The following SYCP2 variants were observed in gnomAD, a reference collection of about 807,000 sequenced individuals.
SYCP2 encodes synaptonemal complex lateral element protein.
Under a neutral mutation model 211.3 loss-of-function variants are expected in SYCP2, and 55 were observed. The observed-to-expected ratio is 0.26, with a 90% CI of 0.21 to 0.33. The LOEUF (loss-of-function observed/expected upper bound fraction) is 0.33, where lower values mean the gene tolerates loss of function less well. SYCP2 is among the 10% of genes least tolerant of loss of function. The probability of loss-of-function intolerance (pLI) is 1.00; values close to 1 mark genes in which losing one functional copy is unlikely to be tolerated. For missense variants in SYCP2, 1,731 were observed against 1,752.0 expected (o/e 0.99, Z 0.21); for synonymous variants, 570 against 555.2 (o/e 1.03, Z -0.37).
chr20:59,925,399 A>C (rs1240990784), intron 2 of SYCP2, among the ~76,000 whole-genome samples: 1 of 152,080 alleles, frequency 6.6e-6, no homozygotes, highest in African/African-American at 2.4e-5. Context: ...TGAGCATAGG[A>C]TTTAACAAAA....
intron 13 of SYCP2, 119 bp from the exon 14 acceptor site, chr20:59,911,964 G>C: frequency 4.8e-5 from 21 of 438,602 alleles, no homozygotes; most frequent in East Asian, 2.2e-4. Flanking sequence ...AGAAGAGAAA[G>C]AACAGACAAG....
chr20:59,889,991 T>C (rs2059873282), intron 24 of SYCP2, among the ~76,000 whole-genome samples: 1 of 151,514 alleles, frequency 6.6e-6, no homozygotes, highest in Admixed American at 6.6e-5. Context: ...TGGAAGACAG[T>C]GATTCCTCAA....
intron 30 of SYCP2, 104 bp from the exon 31 acceptor site, chr20:59,880,575 C>A (rs2059658837): frequency 9.4e-6 from 6 of 640,136 alleles, no homozygotes; most frequent in Non-Finnish European, 1.2e-5. Context: ...AAACAAAACC[C>A]AAAACAGGAA....
At chr20:59,892,732 C>T in intron 22 of SYCP2, 31 bp from the exon 23 acceptor site, 1 of 1,585,810 alleles carries the variant, frequency 6.3e-7, no homozygotes, top group Non-Finnish European at 8.6e-7. Context: ...CTTAATGTTA[C>T]AAAACATTAG....
chr20:59,901,287 TTC>T (rs1387546711), intron 16 of SYCP2, among the ~76,000 whole-genome samples: 8 of 152,076 alleles, frequency 5.3e-5, no homozygotes, highest in Admixed American at 4.6e-4. Flanking sequence ...TTTATGAGCA[TTC>T]TCTTTCTTCA....
chr20:59,921,548 C>A, intron 3 of SYCP2, 95 bp from the exon 4 acceptor site: 1 of 843,070 alleles, frequency 1.2e-6, no homozygotes, highest in South Asian at 4.0e-5. Flanking sequence ...CACATGAAAA[C>A]TCTCAAATGA....
chr20:59,882,290 G>T, intron 26 of SYCP2, 125 bp from the exon 27 acceptor site: 1 of 724,498 alleles, frequency 1.4e-6, no homozygotes, highest in Non-Finnish European at 2.3e-6. Flanking sequence ...AAAATGGCTT[G>T]TACCAAAAAG....
chr20:59,870,920 A>G (rs2059440931), intron 35 of SYCP2, among the ~76,000 whole-genome samples: 2 of 151,742 alleles, frequency 1.3e-5, no homozygotes, highest in Admixed American at 1.3e-4. Flanking sequence ...CTCAAATCTA[A>G]AATTTGAGTC....
chr20:59,881,298 G>T lies in SYCP2; in HGVS notation c.2714+139C>A. 4 of 606,930 alleles carry T rather than the reference G, an allele frequency of 6.6e-6. No individual in the cohort carries two copies. In the South Asian group the frequency reaches 8.5e-5, roughly 13 times the overall value. The allele number at this position is 606,930 out of a possible 1,614,324, so 37.6% of individuals were successfully genotyped here. A position where few individuals can be genotyped will look rare whatever the true frequency, so the allele number is the denominator to read the frequency against. The stretch of plus-strand genomic sequence containing the variant: ...ATTAATTTAAAGAGTAAATGTTGAA[G>T]TAACAGAATCATAATGAGAGTAATA... On this transcript the variant is annotated intron_variant, in intron 29 of 44. Transcript: ENST00000357552.
intron 4 of SYCP2, 49 bp downstream of exon 4, chr20:59,921,261 A>C: frequency 6.6e-7 from 1 of 1,504,214 alleles, no homozygotes; most frequent in Non-Finnish European, 9.0e-7. Context: ...CTAAAACTAG[A>C]GTTCTATCTA....
intron 13 of SYCP2, chr20:59,912,145 C>T (rs192600756): frequency 3.6e-5 from 15 of 413,972 alleles, no homozygotes; most frequent in Admixed American, 9.2e-5. Flanking sequence ...TAAGGAAACA[C>T]GAGAAAAACT....
At chr20:59,881,647 A>G (rs1249861259) in intron 28 of SYCP2, among the ~76,000 whole-genome samples, 155 bp from the exon 29 acceptor site, 1 of 151,520 alleles carries the variant, frequency 6.6e-6, no homozygotes, top group African/African-American at 2.4e-5. Context: ...AGAAAATACA[A>G]TACACTAAAA....
At position 59,915,106 on chromosome 20, in the gene SYCP2, G is replaced by T. The variant is rs16983282; in HGVS notation, c.634+59C>A. ...GCTATGCTAATATTTAAATTAAAAA[G>T]ATACTATCTGCTATTCATAAATATG... On this transcript the variant is annotated intron_variant, in intron 10 of 44. Coordinates refer to ENST00000357552, the MANE Select transcript of SYCP2 (RefSeq NM_014258.4). 1,180 of 1,062,004 alleles carry T rather than the reference G, an allele frequency of 1.1e-3. 7 individuals are homozygous for T. The African/African-American group carries it at 0.017, about 15-fold the overall frequency. The allele number at this position is 1,062,004 out of a possible 1,614,324, so 65.8% of individuals were successfully genotyped here. A position where few individuals can be genotyped will look rare whatever the true frequency, so the allele number is the denominator to read the frequency against.
chr20:59,887,513 A>G (rs2059815632), intron 24 of SYCP2, among the ~76,000 whole-genome samples: 1 of 152,192 alleles, frequency 6.6e-6, no homozygotes, highest in South Asian at 2.1e-4. Context: ...GTATATACCC[A>G]GTAATGGGAT....
chr20:59,929,921 A>C (rs921113463), intron 2 of SYCP2, among the ~76,000 whole-genome samples: 2 of 152,194 alleles, frequency 1.3e-5, no homozygotes, highest in Non-Finnish European at 2.9e-5. Flanking sequence ...AATTGATTAA[A>C]TTAACTTAAT....
intron 14 of SYCP2, among the ~76,000 whole-genome samples, chr20:59,907,791 A>T (rs1176485982): frequency 6.6e-6 from 1 of 152,088 alleles, no homozygotes; most frequent in East Asian, 1.9e-4. Context: ...CACTCCTACT[A>T]CCTATCCCAG....
At chr20:59,893,393 G>T in intron 21 of SYCP2, 131 bp downstream of exon 21, 1 of 797,264 alleles carries the variant, frequency 1.3e-6, no homozygotes, top group Non-Finnish European at 2.0e-6. Context: ...AAAATTCCTT[G>T]CACAAAGTCA....
In SYCP2 at chr20:59,875,455, A is replaced by G; in HGVS notation, c.3165T>C (p.His1055=). ...ENIPVKEENI[H]SRMKTVKLPK... is the part of the protein sequence containing the mutation. ...GTAGCTTTACCGTTTTCATTCTGGA[A>G]TGGATATTCTCCTCCTAAATGTATC... Residue 1055 remains histidine (H), a synonymous_variant, in exon 34 of 45, where the codon CAT becomes CAC. Transcript: ENST00000357552. The G allele has an allele frequency of 6.2e-7, 1 of 1,611,656 alleles. No individual in the cohort carries two copies. The highest frequency in any genetic ancestry group is 8.5e-7 in the Non-Finnish European group (1 of 1,178,858).
At position 59,910,778 on chromosome 20, in the gene SYCP2, A is replaced by G. The variant is rs114290243; in HGVS notation, c.972+972T>C. Among the ~76,000 whole-genome samples the G allele has an allele frequency of 7.3e-3, 1,101 of 151,410 alleles. 16 individuals carry two copies. Among genetic ancestry groups the G allele is most frequent in the African/African-American group, 0.025 (1,036 of 41,372 alleles). On this transcript the variant is annotated intron_variant, in intron 14 of 44. Coordinates refer to ENST00000357552, the MANE Select transcript of SYCP2 (RefSeq NM_014258.4). The stretch of plus-strand genomic sequence containing the variant: ...CACTGAAAGTAATGGCAAGAACCGC[A>G]ATTACTTTTGCACCTGCCTAAGTAG...
Sources: allele counts gnomAD v4.1 joint callset (sites outside exome capture counted in the v4.1 genomes callset), GRCh38; gene constraint gnomAD v4.1.1; transcripts MANE v1.5; gene names NCBI Gene and HGNC (gene_info 2026-07-23, HGNC 2026-07-21).